CDCP1: variants seen among roughly 807,000 people sequenced by gnomAD.
CDCP1 encodes CUB domain containing protein 1.
A neutral mutation model predicts 60.2 loss-of-function variants in CDCP1; 29 were observed. The observed-to-expected ratio is 0.48, with a 90% CI of 0.36 to 0.66. The LOEUF is 0.66. Among genes scored for constraint, CDCP1 ranks in the 30% least tolerant of loss-of-function variants. CDCP1 has a pLI of 0.00. For missense variants in CDCP1, 876 were observed against 1,074.3 expected, an observed-to-expected ratio of 0.82 and a Z score of 2.58; for synonymous variants, 387 against 431.1, an observed-to-expected ratio of 0.90 and a Z score of 1.27.
chr3:45,133,173 G>A (rs1287044622), intron 1 of CDCP1, among the ~76,000 whole-genome samples: 1 of 152,078 alleles, frequency 6.6e-6, no homozygotes, highest in African/African-American at 2.4e-5. Context: ...AAGCCAGCAA[G>A]GAAAGGGAGA....
intron 8 of CDCP1, among the ~76,000 whole-genome samples, chr3:45,088,848 C>T (rs866751010): frequency 1.3e-5 from 2 of 151,918 alleles, no homozygotes; most frequent in African/African-American, 2.4e-5. Flanking sequence ...GAAAATGTCA[C>T]GTGTGTTTTA....
At chr3:45,116,639 G>A (rs1214614450) in intron 2 of CDCP1, among the ~76,000 whole-genome samples, 3 of 152,194 alleles carry the variant, frequency 2.0e-5, no homozygotes, top group African/African-American at 7.2e-5. Context: ...TTATCTGAAA[G>A]AAGTTTGCCA....
At position 45,109,098 on chromosome 3, in the gene CDCP1, C is replaced by T. The variant is rs142099530; in HGVS notation, c.1024+1375G>A. On this transcript the variant is annotated intron_variant, in intron 4 of 8. Coordinates refer to ENST00000296129, the MANE Select transcript of CDCP1 (RefSeq NM_022842.5). ...CCAAGTAGTTGGGATTACAGGTGCGCGCCATCATGCCTGGCTAATTTTTGA... is the reference window on the plus strand; with the variant it reads ...CCAAGTAGTTGGGATTACAGGTGCGTGCCATCATGCCTGGCTAATTTTTGA... Among the ~76,000 whole-genome samples, 203 of 150,892 alleles carry T rather than the reference C, an allele frequency of 1.3e-3. 2 individuals are homozygous for T. The highest frequency in any genetic ancestry group is 3.9e-3 in the African/African-American group (162 of 41,082).
At chr3:45,140,832 C>T (rs1043243254) in intron 1 of CDCP1, among the ~76,000 whole-genome samples, 14 of 152,330 alleles carry the variant, frequency 9.2e-5, no homozygotes, top group African/African-American at 3.4e-4. Flanking sequence ...ATTTACATCT[C>T]CAACCTCAAC....
chr3:45,136,053 G>A (rs1316255207), intron 1 of CDCP1, among the ~76,000 whole-genome samples: 2 of 152,098 alleles, frequency 1.3e-5, no homozygotes, highest in Non-Finnish European at 2.9e-5. Flanking sequence ...AAGAGATAAG[G>A]GCACACAGAG....
chr3:45,140,854 A>G (rs1699276769), intron 1 of CDCP1, among the ~76,000 whole-genome samples: 1 of 152,246 alleles, frequency 6.6e-6, no homozygotes, highest in African/African-American at 2.4e-5. Context: ...CATTTTAAAC[A>G]AAATTATGTG....
chr3:45,130,315 A>G (rs773520026), intron 1 of CDCP1, among the ~76,000 whole-genome samples: 10 of 151,478 alleles, frequency 6.6e-5, no homozygotes, highest in Non-Finnish European at 1.3e-4. Flanking sequence ...GAGCCAGGGT[A>G]TCACTATGTT....
intron 1 of CDCP1, among the ~76,000 whole-genome samples, chr3:45,124,685 T>C (rs963445005): frequency 6.6e-6 from 1 of 152,198 alleles, no homozygotes; most frequent in African/African-American, 2.4e-5. Context: ...CCTCCATCCA[T>C]GGAGCAGATC....
chr3:45,115,452 A>C (rs1189943462), intron 2 of CDCP1, among the ~76,000 whole-genome samples: 1 of 152,208 alleles, frequency 6.6e-6, no homozygotes, highest in Non-Finnish European at 1.5e-5. Flanking sequence ...GCATCAAACT[A>C]TATAAACTAT....
At chr3:45,102,425 C>T (rs1698496211) in intron 4 of CDCP1, among the ~76,000 whole-genome samples, 1 of 151,834 alleles carries the variant, frequency 6.6e-6, no homozygotes, top group African/African-American at 2.4e-5. Flanking sequence ...GTAATTTGCC[C>T]AAACTTACAT....
At chr3:45,118,778 C>T (rs1414705512) in intron 1 of CDCP1, among the ~76,000 whole-genome samples, 157 bp from the exon 2 acceptor site, 4 of 152,156 alleles carry the variant, frequency 2.6e-5, no homozygotes, top group African/African-American at 4.8e-5. Flanking sequence ...ATGACAGTTC[C>T]GACCTTAGCA....
rs375695747 is a variant in CDCP1 at position 45,097,507 on chromosome 3, T to TAA, written c.1025-1941_1025-1940dup. Among the ~76,000 whole-genome samples the TAA allele has an allele frequency of 1.4e-3, 176 of 126,632 alleles. 1 individual carries two copies. Among genetic ancestry groups the TAA allele is most frequent in the Middle Eastern group, 4.1e-3 (1 of 242 alleles). The allele number at this position is 126,632 out of a possible 152,430, so 83.1% of individuals were successfully genotyped here. A position where few individuals can be genotyped will look rare whatever the true frequency, so the allele number is the denominator to read the frequency against. On this transcript the variant is annotated intron_variant, in intron 4 of 8. Transcript: ENST00000296129. ...TTTGAATTTCATTCATTCTTTTGTT[T>TAA]AAAAAAAAAAAAAAAAAAGCCCATC...
At chr3:45,110,146 G>T (rs948909699) in intron 4 of CDCP1, 82 of 1,095,552 alleles carry the variant, frequency 7.5e-5, no homozygotes, top group Non-Finnish European at 9.3e-5. Flanking sequence ...ATCGCTGATG[G>T]TGCGGGTGAC....
chr3:45,127,207 T>A (rs574401958), intron 1 of CDCP1, among the ~76,000 whole-genome samples: 1 of 152,254 alleles, frequency 6.6e-6, no homozygotes, highest in Admixed American at 6.5e-5. Context: ...GAAAGTATAG[T>A]TGGAATTTAA....
chr3:45,138,868 A>C (rs899800085), intron 1 of CDCP1, among the ~76,000 whole-genome samples: 1 of 152,166 alleles, frequency 6.6e-6, no homozygotes, highest in South Asian at 2.1e-4. Flanking sequence ...AGAAGAAAGA[A>C]AAGAAAAAGA....
intron 4 of CDCP1, among the ~76,000 whole-genome samples, chr3:45,101,845 C>G (rs1391748519): frequency 3.5e-5 from 5 of 144,552 alleles, no homozygotes; most frequent in South Asian, 2.3e-4. Context: ...GAGATCGCAC[C>G]ATTGCACTCC....
intron 4 of CDCP1, among the ~76,000 whole-genome samples, chr3:45,106,451 C>T (rs1003346744): frequency 2.0e-5 from 3 of 152,306 alleles, no homozygotes; most frequent in South Asian, 4.1e-4. Flanking sequence ...CTGCCTTGCC[C>T]CTTCAGATGG....
In CDCP1 at chr3:45,113,147, G is replaced by A. The variant is rs1698727608; in HGVS notation, c.293-702C>T. Among the ~76,000 whole-genome samples, 4 of 152,280 alleles carry A rather than the reference G, an allele frequency of 2.6e-5. No homozygotes were observed. The South Asian group carries it at 8.3e-4, about 32-fold the overall frequency. On this transcript the variant is annotated intron_variant, in intron 2 of 8. Transcript: ENST00000296129. ...CACAATTTGTAGAGCACAGTGCCAA[G>A]ATCCATCCTTTAAAACTGGTTTCCC...
chr3:45,108,249 A>C (rs767860713), intron 4 of CDCP1, among the ~76,000 whole-genome samples: 6 of 152,214 alleles, frequency 3.9e-5, no homozygotes, highest in Non-Finnish European at 8.8e-5. Flanking sequence ...GAAGCTGCCC[A>C]GAGATCAGAG....
Sources: gnomAD v4.1 joint callset for allele counts (sites outside exome capture counted in the v4.1 genomes callset) on GRCh38, gnomAD v4.1.1 for gene constraint, MANE v1.5 for transcripts, NCBI Gene and HGNC (gene_info 2026-07-23, HGNC 2026-07-21) for gene names.